Variants in PBX1 observed in about 807,000 individuals in gnomAD.
PBX1 encodes pre-B-cell leukemia transcription factor 1.
In PBX1, 6 loss-of-function variants were observed where a neutral mutation model predicts 53.4. The ratio of observed to expected loss-of-function variants is 0.11; its 90% CI spans 0.06 to 0.22. The LOEUF (loss-of-function observed/expected upper bound fraction) is 0.22, where lower values mean the gene tolerates loss of function less well. Among genes scored for constraint, PBX1 ranks in the 10% least tolerant of loss-of-function variants. PBX1 has a pLI of 1.00. For synonymous variants in PBX1, 204 were observed against 212.3 expected (o/e 0.96, Z 0.34); for missense variants, 251 against 551.4 (o/e 0.46, Z 5.46).
chr1:164,628,620 T>C (rs1367705163), intron 2 of PBX1, among the ~76,000 whole-genome samples: 1 of 152,248 alleles, frequency 6.6e-6, no homozygotes, highest in Non-Finnish European at 1.5e-5. Flanking sequence ...TATTGGTAAA[T>C]GTAGCAACTC....
chr1:164,704,806 A>G (rs182330638), intron 2 of PBX1, among the ~76,000 whole-genome samples: 44 of 152,234 alleles, frequency 2.9e-4, no homozygotes, highest in Admixed American at 2.7e-3. Context: ...ATCCTTGCTG[A>G]TTTTCCAGCA....
At chr1:164,842,036 A>G (rs939650785) in intron 8 of PBX1, among the ~76,000 whole-genome samples, 4 of 152,142 alleles carry the variant, frequency 2.6e-5, no homozygotes, top group African/African-American at 9.7e-5. Context: ...CAGGTGATGA[A>G]TTCTCTGCAT....
At chr1:164,734,881 A>G (rs866614058) in intron 2 of PBX1, among the ~76,000 whole-genome samples, 1 of 152,218 alleles carries the variant, frequency 6.6e-6, no homozygotes, top group Admixed American at 6.5e-5. Context: ...GTAAAGAAGT[A>G]TGGAATAAAG....
intron 2 of PBX1, among the ~76,000 whole-genome samples, chr1:164,564,836 T>TA (rs1206443599): frequency 5.3e-5 from 8 of 151,658 alleles, no homozygotes; most frequent in Admixed American, 4.6e-4. Context: ...TTTATATATA[T>TA]TTTTTTATCT....
chr1:164,878,479 G>A (rs1011504839), intron 2 of PBX1, among the ~76,000 whole-genome samples: 1 of 152,100 alleles, frequency 6.6e-6, no homozygotes, highest in South Asian at 2.1e-4. Context: ...TTTAATATTT[G>A]CAAGAAGACT....
chr1:164,833,576 T>C (rs947473848), intron 8 of PBX1, among the ~76,000 whole-genome samples: 2 of 152,212 alleles, frequency 1.3e-5, no homozygotes, highest in African/African-American at 4.8e-5. Flanking sequence ...CTTAGTACAC[T>C]GGAGTTGGAG....
In PBX1 at chr1:164,874,992, A is replaced by G. The variant is rs569667860; in HGVS notation, n.258-24196A>G. On this transcript the variant is annotated intron_variant and non_coding_transcript_variant, in intron 2 of 2. Transcript: ENST00000558796. ...AGGGAGACTAAAGACGTACAATCATATGGAGTCTCATTCTGTATAGATTCA... is the reference window on the plus strand; with the variant it reads ...AGGGAGACTAAAGACGTACAATCATGTGGAGTCTCATTCTGTATAGATTCA... 2.6e-5 allele frequency among the ~76,000 whole-genome samples: 4 copies of G among 152,308 alleles called. No individual in the cohort carries two copies. The South Asian group carries it at 8.3e-4, about 32-fold the overall frequency.
chr1:164,780,568 G>T (rs1000671727), intron 2 of PBX1, among the ~76,000 whole-genome samples: 1 of 152,098 alleles, frequency 6.6e-6, no homozygotes, highest in Non-Finnish European at 1.5e-5. Context: ...CAGGGAAGAC[G>T]TCTGGGAGAA....
intron 2 of PBX1, among the ~76,000 whole-genome samples, chr1:164,759,261 G>A (rs565979341): frequency 3.0e-4 from 45 of 152,294 alleles, no homozygotes; most frequent in Admixed American, 1.1e-3. Context: ...TACAGGCAAC[G>A]ATTAGGATCA....
chr1:164,762,687 T>C (rs944852019), intron 2 of PBX1, among the ~76,000 whole-genome samples: 1 of 152,208 alleles, frequency 6.6e-6, no homozygotes, highest in South Asian at 2.1e-4. Context: ...GAGTTAGAAA[T>C]GCTATTATTC....
At chr1:164,612,165 T>G (rs1656978914) in intron 2 of PBX1, among the ~76,000 whole-genome samples, 1 of 152,060 alleles carries the variant, frequency 6.6e-6, no homozygotes, top group African/African-American at 2.4e-5. Context: ...TGCACTGAAG[T>G]TGGTAGGTTG....
At chr1:164,822,891 C>T (rs1035538672) in intron 8 of PBX1, among the ~76,000 whole-genome samples, 1 of 152,182 alleles carries the variant, frequency 6.6e-6, no homozygotes, top group Non-Finnish European at 1.5e-5. Context: ...GTTGGCTGCC[C>T]TTAAGTGTTC....
intron 2 of PBX1, among the ~76,000 whole-genome samples, chr1:164,691,176 G>A (rs572419869): frequency 4.0e-5 from 6 of 151,860 alleles, no homozygotes; most frequent in Non-Finnish European, 5.9e-5. Context: ...CACCATGCCC[G>A]GCTAATTTTT....
chr1:164,717,965 A>T (rs930196316), intron 2 of PBX1, among the ~76,000 whole-genome samples: 1 of 152,246 alleles, frequency 6.6e-6, no homozygotes, highest in African/African-American at 2.4e-5. Flanking sequence ...GTCAGACACC[A>T]TATTTGTTGA....
chr1:164,720,886 C>G (rs1250541441), intron 2 of PBX1, among the ~76,000 whole-genome samples: 2 of 152,152 alleles, frequency 1.3e-5, no homozygotes, highest in Non-Finnish European at 2.9e-5. Context: ...CTGTGGTTGA[C>G]TTAGGGTTTC....
intron 2 of PBX1, among the ~76,000 whole-genome samples, chr1:164,604,601 T>A (rs780369243): frequency 2.6e-5 from 4 of 152,226 alleles, no homozygotes; most frequent in Non-Finnish European, 5.9e-5. Context: ...TGAGAGCCGT[T>A]GCCTATGCTA....
At chr1:164,846,400 A>G (rs937359885) in intron 8 of PBX1, among the ~76,000 whole-genome samples, 184 bp from the exon 9 acceptor site, 2 of 152,080 alleles carry the variant, frequency 1.3e-5, no homozygotes, top group Non-Finnish European at 2.9e-5. Flanking sequence ...CACTGGGAGG[A>G]CCCAAACTTA....
rs1671274687 is a variant in PBX1 at position 164,841,214 on chromosome 1, TC to T, written c.1201-5369del. Among the ~76,000 whole-genome samples the T allele has an allele frequency of 2.0e-5, 3 of 152,102 alleles. No individual in the cohort carries two copies. The South Asian group carries it at 6.2e-4, about 31-fold the overall frequency. On this transcript the variant is annotated intron_variant, in intron 8 of 8. Transcript: ENST00000420696. ...GGGACAGATGGATGTGCAAAGATAT[TC>T]AAATTCAGTCTTACAAAGCAGCCAA...
intron 2 of PBX1, among the ~76,000 whole-genome samples, chr1:164,724,902 C>T (rs546948455): frequency 2.6e-5 from 4 of 151,988 alleles, no homozygotes; most frequent in Admixed American, 1.3e-4. Flanking sequence ...ACATAACTTG[C>T]GGAGTGTTTT....
Sources: allele counts gnomAD v4.1 joint callset (sites outside exome capture counted in the v4.1 genomes callset), GRCh38; gene constraint gnomAD v4.1.1; transcripts MANE v1.5; gene names NCBI Gene and HGNC (gene_info 2026-07-23, HGNC 2026-07-21).